Variants in HS2ST1 observed in about 807,000 individuals in gnomAD.
HS2ST1 encodes 2-O-sulfotransferase.
HS2ST1 carries 18 observed loss-of-function variants against 42.9 expected under a neutral mutation model. The ratio of observed to expected loss-of-function variants is 0.42; its 90% CI spans 0.29 to 0.62. HS2ST1 has a LOEUF of 0.62. Ranked by LOEUF, HS2ST1 falls within the 20% of genes least tolerant of loss-of-function variation. The probability of loss-of-function intolerance (pLI) is 0.21; values close to 1 mark genes in which losing one functional copy is unlikely to be tolerated. For synonymous variants in HS2ST1, 146 were observed against 152.9 expected, an observed-to-expected ratio of 0.95 and a Z score of 0.33; for missense variants, 334 against 433.8, an observed-to-expected ratio of 0.77 and a Z score of 2.04.
chr1:87,031,497 A>G (rs532884614), intron 1 of HS2ST1, among the ~76,000 whole-genome samples: 2 of 152,326 alleles, frequency 1.3e-5, no homozygotes, highest in Non-Finnish European at 1.5e-5. Flanking sequence ...GTTTATTGCC[A>G]GTCCTCAAGT....
chr1:87,085,092 T>C (rs1651788719), intron 3 of HS2ST1, among the ~76,000 whole-genome samples: 2 of 152,236 alleles, frequency 1.3e-5, no homozygotes, highest in Admixed American at 1.3e-4. Context: ...CATAACAGTC[T>C]TATGGATACA....
At chr1:87,065,656 A>G (rs982267832) in intron 1 of HS2ST1, among the ~76,000 whole-genome samples, 3 of 152,198 alleles carry the variant, frequency 2.0e-5, no homozygotes, top group African/African-American at 7.2e-5. Flanking sequence ...TTCTCATCAT[A>G]TTCTCAAAGG....
chr1:86,915,489 C>T (rs941572363), intron 1 of HS2ST1, among the ~76,000 whole-genome samples: 10 of 152,106 alleles, frequency 6.6e-5, no homozygotes, highest in African/African-American at 1.7e-4. Context: ...TGCTGGTCTC[C>T]GGAGACAGAA....
At chr1:87,052,909 G>A (rs1650872065) in intron 1 of HS2ST1, among the ~76,000 whole-genome samples, 1 of 152,136 alleles carries the variant, frequency 6.6e-6, no homozygotes, top group Admixed American at 6.5e-5. Context: ...CATCATATCA[G>A]CATTGGGAAC....
rs1165705427 is a variant in HS2ST1 at position 87,106,669 on chromosome 1, A to C, written c.*1973A>C. ...ATAAAAATATTAAAAGAACATAGGC[A>C]GGCTTTTTTTAAATTTGGCTTTTTT... On this transcript the variant is annotated 3_prime_UTR_variant, in exon 7 of 7. Coordinates refer to ENST00000370550, the MANE Select transcript of HS2ST1 (RefSeq NM_012262.4). 6.6e-6 allele frequency: 1 copy of C among 152,086 alleles called. No individual in the cohort carries two copies. Among genetic ancestry groups the C allele is most frequent in the Non-Finnish European group, 1.5e-5 (1 of 67,950 alleles). 9.4% of individuals were successfully genotyped at this position (152,086 alleles called of 1,614,324 possible). A position where few individuals can be genotyped will look rare whatever the true frequency, so the allele number is the denominator to read the frequency against.
At chr1:87,078,078 G>GT (rs549429098) in intron 2 of HS2ST1, among the ~76,000 whole-genome samples, 2 of 152,334 alleles carry the variant, frequency 1.3e-5, no homozygotes, top group South Asian at 4.1e-4. Flanking sequence ...AAATGCATGA[G>GT]TGGGAGTTTG....
chr1:87,044,416 C>T (rs926177153), intron 1 of HS2ST1, among the ~76,000 whole-genome samples: 7 of 152,132 alleles, frequency 4.6e-5, no homozygotes, highest in Non-Finnish European at 8.8e-5. Flanking sequence ...AAACTGAAAA[C>T]GTGAGTAAAT....
chr1:86,991,098 G>A (rs963471683), intron 1 of HS2ST1, among the ~76,000 whole-genome samples: 1 of 151,630 alleles, frequency 6.6e-6, no homozygotes, highest in Admixed American at 6.6e-5. Flanking sequence ...CTTACCCACA[G>A]TCTCTGGTTG....
In HS2ST1 at chr1:87,109,858, C is replaced by A. The variant is rs1388183840; in HGVS notation, c.*5162C>A. On this transcript the variant is annotated 3_prime_UTR_variant, in exon 7 of 7. Transcript: ENST00000370550. ...GGGCATGATGTATGCAAAGTACTGGCCAGGGTAGACTAATAACTGATGGCA... is the reference window on the plus strand; with the variant it reads ...GGGCATGATGTATGCAAAGTACTGGACAGGGTAGACTAATAACTGATGGCA... 1 of 151,994 alleles carries A rather than the reference C, an allele frequency of 6.6e-6. No homozygotes were observed. The highest frequency in any genetic ancestry group is 2.4e-5 in the African/African-American group (1 of 41,390). 9.4% of individuals were successfully genotyped at this position (151,994 alleles called of 1,614,324 possible). A position where few individuals can be genotyped will look rare whatever the true frequency, so the allele number is the denominator to read the frequency against.
In HS2ST1 at chr1:87,107,866, G is replaced by A. The variant is rs1223119090; in HGVS notation, c.*3170G>A. 1 of 152,092 alleles carries A rather than the reference G, an allele frequency of 6.6e-6. No individual in the cohort carries two copies. Among genetic ancestry groups the A allele is most frequent in the African/African-American group, 2.4e-5 (1 of 41,532 alleles). 9.4% of individuals were successfully genotyped at this position (152,092 alleles called of 1,614,324 possible). On this transcript the variant is annotated 3_prime_UTR_variant, in exon 7 of 7. Coordinates refer to ENST00000370550, the MANE Select transcript of HS2ST1 (RefSeq NM_012262.4). ...AGCAACACTTAAGATATTGCATGGG[G>A]ATTACTTTCCTATCATCCATATGCA...
intron 4 of HS2ST1, among the ~76,000 whole-genome samples, chr1:87,094,670 TG>T (rs112776925): frequency 0.012 from 1,837 of 152,234 alleles, 49 homozygotes; most frequent in African/African-American, 0.042. Context: ...GATCCAAAGT[TG>T]CATATTCAAT....
At chr1:87,066,742 G>A (rs939009242) in intron 1 of HS2ST1, among the ~76,000 whole-genome samples, 3 of 151,148 alleles carry the variant, frequency 2.0e-5, no homozygotes, top group Admixed American at 6.6e-5. Context: ...TCCCCCAACA[G>A]GCCCCAGTGT....
rs914922399 is a variant in HS2ST1, at chr1:86,914,898, G to A, written c.-139G>A. 7.9e-6 allele frequency: 8 copies of A among 1,011,236 alleles called. No individual in the cohort carries two copies. The Admixed American group carries it at 1.9e-4, about 24-fold the overall frequency. 62.6% of individuals were successfully genotyped at this position (1,011,236 alleles called of 1,614,324 possible). A position where few individuals can be genotyped will look rare whatever the true frequency, so the allele number is the denominator to read the frequency against. Reference sequence around the variant, plus strand: ...GGGGACTGGAGAGGCGAGAAGGGGGGTCGCTGCGGTGGTTCTCTCGCTGTC... The same window carrying A: ...GGGGACTGGAGAGGCGAGAAGGGGGATCGCTGCGGTGGTTCTCTCGCTGTC... On this transcript the variant is annotated 5_prime_UTR_variant, in exon 1 of 7. Transcript: ENST00000370550.
intron 1 of HS2ST1, among the ~76,000 whole-genome samples, chr1:86,960,916 G>C (rs948461801): frequency 6.6e-6 from 1 of 152,082 alleles, no homozygotes. Context: ...ATGTTCCTTG[G>C]TGTTTATCCA....
In HS2ST1 at chr1:87,097,977, T is replaced by C. The variant is rs375810075; in HGVS notation, c.686+42T>C. 3.6e-5 allele frequency: 58 copies of C among 1,612,448 alleles called. No individual in the cohort carries two copies. The African/African-American group carries it at 4.9e-4, about 14-fold the overall frequency. On this transcript the variant is annotated intron_variant, in intron 5 of 6. Coordinates refer to ENST00000370550, the MANE Select transcript of HS2ST1 (RefSeq NM_012262.4). ...TGGCTCAGATTGATTATCATCCTTA[T>C]TATCTCTGTAATCTGTGTTTCATTT...
chr1:86,992,550 C>T (rs939326478), intron 1 of HS2ST1, among the ~76,000 whole-genome samples: 5 of 151,822 alleles, frequency 3.3e-5, no homozygotes, highest in African/African-American at 9.7e-5. Flanking sequence ...ATTTTAGAGA[C>T]GGGGTTTCTC....
intron 5 of HS2ST1, among the ~76,000 whole-genome samples, chr1:87,100,601 T>G (rs982453994): frequency 2.0e-5 from 3 of 152,212 alleles, no homozygotes; most frequent in Non-Finnish European, 4.4e-5. Flanking sequence ...TCCACAGTGT[T>G]ATTAAATTCC....
At chr1:87,063,128 T>C (rs1187531917) in intron 1 of HS2ST1, among the ~76,000 whole-genome samples, 1 of 152,214 alleles carries the variant, frequency 6.6e-6, no homozygotes, top group Non-Finnish European at 1.5e-5. Flanking sequence ...TTTAAGACTC[T>C]GTGACACCAA....
chr1:86,985,499 CATATATACACAT>C lies in HS2ST1; in HGVS notation c.124+70361_124+70372del, dbSNP rs1364801400. Among the ~76,000 whole-genome samples the C allele has an allele frequency of 2.3e-3, 172 of 73,474 alleles. 1 individual carries two copies. Among genetic ancestry groups the C allele is most frequent in the African/African-American group, 6.7e-3 (161 of 24,006 alleles). The allele number at this position is 73,474 out of a possible 152,430, so 48.2% of individuals were successfully genotyped here. Reference sequence around the variant, plus strand: ...ACACATATATACACATATATATACACATATATACACATATATATACACATATATATACATATA... The same window carrying C: ...ACACATATATACACATATATATACACATATATACACATATATATACATATA... On this transcript the variant is annotated intron_variant, in intron 1 of 6. Coordinates refer to ENST00000370550, the MANE Select transcript of HS2ST1 (RefSeq NM_012262.4).
Sources: allele counts gnomAD v4.1 joint callset (sites outside exome capture counted in the v4.1 genomes callset), GRCh38; gene constraint gnomAD v4.1.1; transcripts MANE v1.5; gene names NCBI Gene and HGNC (gene_info 2026-07-23, HGNC 2026-07-21).